Variants in CPEB2 observed in about 807,000 individuals in gnomAD.
CPEB2 encodes cytoplasmic polyadenylation element-binding protein 2.
A neutral mutation model predicts 93.6 loss-of-function variants in CPEB2; 56 were observed. The observed-to-expected ratio is 0.60, with a 90% CI of 0.48 to 0.75. The LOEUF (loss-of-function observed/expected upper bound fraction) is 0.75, where lower values mean the gene tolerates loss of function less well. Among genes scored for constraint, CPEB2 ranks in the 30% least tolerant of loss-of-function variants. The pLI is 0.00. For missense variants in CPEB2, 1,579 were observed against 1,395.1 expected (o/e 1.13, Z -2.10); for synonymous variants, 764 against 586.3 (o/e 1.30, Z -4.38).
At chr4:15,041,075 C>CA (rs1727137626) in intron 6 of CPEB2, among the ~76,000 whole-genome samples, 1 of 152,020 alleles carries the variant, frequency 6.6e-6, no homozygotes, top group Admixed American at 6.6e-5. Flanking sequence ...TTCCCTCCCC[C>CA]ACAAAAGTAT....
At chr4:15,064,640 T>C (rs1729520640) in intron 11 of CPEB2, among the ~76,000 whole-genome samples, 1 of 152,130 alleles carries the variant, frequency 6.6e-6, no homozygotes, top group Admixed American at 6.6e-5. Context: ...GTATTGCATT[T>C]ATGCATATAT....
chr4:15,026,229 T>TTTGTTC (rs1489307656), intron 4 of CPEB2, among the ~76,000 whole-genome samples: 15 of 150,492 alleles, frequency 1.0e-4, no homozygotes, highest in African/African-American at 3.7e-4. Flanking sequence ...TGTTTTTGTT[T>TTTGTTC]TTGTTTTTGT....
chr4:15,053,286 G>T (rs1246018044), intron 7 of CPEB2, among the ~76,000 whole-genome samples: 1 of 152,038 alleles, frequency 6.6e-6, no homozygotes, highest in East Asian at 1.9e-4. Flanking sequence ...AAAGTGCTGG[G>T]ATTACAGGCA....
intron 3 of CPEB2, among the ~76,000 whole-genome samples, chr4:15,014,969 C>A (rs140897163): frequency 6.6e-6 from 1 of 151,948 alleles, no homozygotes; most frequent in South Asian, 2.1e-4. Flanking sequence ...TATTTTGAGT[C>A]TTTTTCTTTT....
intron 8 of CPEB2, among the ~76,000 whole-genome samples, chr4:15,057,623 T>G (rs1728835667): frequency 6.6e-6 from 1 of 152,192 alleles, no homozygotes; most frequent in South Asian, 2.1e-4. Flanking sequence ...TGCCTTCTTT[T>G]TATAATGTAG....
At chr4:15,037,981 G>A (rs1726797459) in intron 5 of CPEB2, among the ~76,000 whole-genome samples, 1 of 152,160 alleles carries the variant, frequency 6.6e-6, no homozygotes, top group African/African-American at 2.4e-5. Context: ...GTAGGAAAGT[G>A]AATACACACA....
chr4:15,038,575 G>T (rs1377794713), intron 5 of CPEB2, among the ~76,000 whole-genome samples: 2 of 150,118 alleles, frequency 1.3e-5, no homozygotes, highest in South Asian at 4.2e-4. Flanking sequence ...TCACTCTTCT[G>T]TAGTCTATTC....
chr4:15,053,736 C>G (rs1728457516), intron 7 of CPEB2, among the ~76,000 whole-genome samples: 1 of 151,816 alleles, frequency 6.6e-6, no homozygotes, highest in Admixed American at 6.6e-5. Flanking sequence ...TTTAGCAGAC[C>G]TTTTTTCCTA....
chr4:15,009,451 A>G (rs1253998044), intron 3 of CPEB2, among the ~76,000 whole-genome samples: 5 of 152,190 alleles, frequency 3.3e-5, no homozygotes, highest in Admixed American at 6.5e-5. Flanking sequence ...GCAATTTGCA[A>G]CGTATTGTCT....
chr4:15,004,242 C>G lies in CPEB2; in HGVS notation c.1569C>G (p.Ser523Arg), dbSNP rs772553069. ...CCGCGGCGCCGCAGCAGCCGCAGAGCCGGAGGTCGCCCGTCAGCCCGCAGC... is the reference window on the plus strand; with the variant it reads ...CCGCGGCGCCGCAGCAGCCGCAGAGGCGGAGGTCGCCCGTCAGCCCGCAGC... ...PPPAAPQQPQSRRSPVSPQLQ... is the reference protein window; with the variant it reads ...PPPAAPQQPQRRRSPVSPQLQ... Residue 523 changes from serine to arginine, a missense_variant, in exon 1 of 12, where the codon AGC becomes AGG. Ser to Arg is a moderately radical substitution (Grantham distance 110). Around this residue, in one of 2 missense-constraint regions of CPEB2, gnomAD observed 1,411 missense variants for 1,056.0 expected, o/e 1.34. Transcript: ENST00000538197. 2 of 1,494,156 alleles carry G rather than the reference C, an allele frequency of 1.3e-6. No individual in the cohort carries two copies. Among genetic ancestry groups the G allele is most frequent in the South Asian group, 1.2e-5 (1 of 80,106 alleles). The allele number at this position is 1,494,156 out of a possible 1,614,324, so 92.6% of individuals were successfully genotyped here.
intron 10 of CPEB2, among the ~76,000 whole-genome samples, chr4:15,059,687 A>G (rs996572907): frequency 1.3e-5 from 2 of 151,920 alleles, no homozygotes; most frequent in Non-Finnish European, 2.9e-5. Flanking sequence ...TTTTATCTAT[A>G]TTTTAATCAT....
In CPEB2 at chr4:15,066,880, T is replaced by G. The variant is rs1251512969; in HGVS notation, c.*500T>G. The G allele has an allele frequency of 1.3e-5, 2 of 153,830 alleles. No individual in the cohort carries two copies. The highest frequency in any genetic ancestry group is 2.9e-5 in the Non-Finnish European group (2 of 68,896). The allele number at this position is 153,830 out of a possible 1,614,324, so 9.5% of individuals were successfully genotyped here. ...ATAAACTAAAAATTAGGGTTGATTT[T>G]TTTGCTCTCCATTTTGACTTGCAAG... On this transcript the variant is annotated 3_prime_UTR_variant, in exon 12 of 12. Coordinates refer to ENST00000538197, the MANE Select transcript of CPEB2 (RefSeq NM_001177382.2).
chr4:15,003,835 G>A lies in CPEB2; in HGVS notation c.1162G>A (p.Ala388Thr). 2.2e-6 allele frequency: 2 copies of A among 912,790 alleles called. No homozygotes were observed. Among genetic ancestry groups the A allele is most frequent in the Non-Finnish European group, 2.9e-6 (2 of 695,908 alleles). 56.5% of individuals were successfully genotyped at this position (912,790 alleles called of 1,614,324 possible). ...GFGTPWSVQT[A>T]SPPPQPQQPP... ...CGGCACCCCCTGGTCGGTGCAGACC[G>A]CGTCGCCGCCACCCCAGCCCCAGCA... Residue 388 changes from alanine to threonine, a missense_variant, in exon 1 of 12, where the codon GCG (alanine) becomes ACG (threonine). This residue lies in a region of CPEB2 where 1,411 missense variants were observed against 1,056.0 expected (regional missense o/e 1.34). Transcript: ENST00000538197.
chr4:15,036,620 C>T (rs1382433107), intron 5 of CPEB2, among the ~76,000 whole-genome samples: 1 of 152,062 alleles, frequency 6.6e-6, no homozygotes, highest in Non-Finnish European at 1.5e-5. Flanking sequence ...ATTATATCTT[C>T]TTTACCCCTT....
intron 11 of CPEB2, among the ~76,000 whole-genome samples, chr4:15,064,824 A>G (rs1375942340): frequency 1.3e-5 from 2 of 152,138 alleles, no homozygotes; most frequent in East Asian, 1.9e-4. Flanking sequence ...CCATAAAGGA[A>G]AAAGTTGAGA....
intron 11 of CPEB2, among the ~76,000 whole-genome samples, chr4:15,065,424 A>T (rs900041890): frequency 6.6e-6 from 1 of 152,138 alleles, no homozygotes; most frequent in Admixed American, 6.6e-5. Context: ...AAGCAAGGCT[A>T]TTGCAGCTAA....
At chr4:15,054,270 A>G in intron 8 of CPEB2, 53 bp downstream of exon 8, 1 of 1,243,954 alleles carries the variant, frequency 8.0e-7, no homozygotes, top group Non-Finnish European at 1.2e-6. Context: ...ATGAGAGCAA[A>G]AGAAAGAATA....
intron 11 of CPEB2, 72 bp from the exon 12 acceptor site, chr4:15,066,081 A>G: frequency 1.5e-6 from 2 of 1,320,588 alleles, no homozygotes; most frequent in East Asian, 4.6e-5. Flanking sequence ...CTGCTGTAGA[A>G]CATTTTAAGT....
In CPEB2 at chr4:15,058,679, A is replaced by G. The variant is rs991964214; in HGVS notation, c.2580+140A>G. 16 of 609,592 alleles carry G rather than the reference A, an allele frequency of 2.6e-5. No homozygotes were observed. The Admixed American group carries it at 3.8e-4, about 14-fold the overall frequency. The allele number at this position is 609,592 out of a possible 1,614,324, so 37.8% of individuals were successfully genotyped here. On this transcript the variant is annotated intron_variant, in intron 9 of 11. Transcript: ENST00000538197. ...TTGAAACATCCAGATAATTTATAGCAGGAGTCCCCAACCCCTGGGCAGTGG... is the reference window on the plus strand; with the variant it reads ...TTGAAACATCCAGATAATTTATAGCGGGAGTCCCCAACCCCTGGGCAGTGG...
Sources: allele counts gnomAD v4.1 joint callset (sites outside exome capture counted in the v4.1 genomes callset), GRCh38; gene constraint gnomAD v4.1.1; regional missense constraint gnomAD v4.1.1; transcripts MANE v1.5; gene names NCBI Gene and HGNC (gene_info 2026-07-23, HGNC 2026-07-21).